Variants in LRRC8D observed in about 807,000 individuals in gnomAD.
The protein encoded by LRRC8D is volume-regulated anion channel subunit LRRC8D.
In LRRC8D, 20 loss-of-function variants were observed where a neutral mutation model predicts 55.8. The ratio of observed to expected loss-of-function variants is 0.36; its 90% CI spans 0.25 to 0.52. The LOEUF (loss-of-function observed/expected upper bound fraction) is 0.52. Ranked by LOEUF, LRRC8D falls within the 20% of genes least tolerant of loss-of-function variation. The pLI is 0.93. For missense variants in LRRC8D, 651 were observed against 1,030.8 expected (o/e 0.63, Z 5.05); for synonymous variants, 352 against 377.0 (o/e 0.93, Z 0.77).
chr1:89,866,367 T>C (rs1188785456), intron 2 of LRRC8D, among the ~76,000 whole-genome samples: 1 of 152,194 alleles, frequency 6.6e-6, no homozygotes, highest in East Asian at 1.9e-4. Context: ...AAGGGGGTCA[T>C]TCGGATGGTC....
chr1:89,847,369 G>A (rs142876206), intron 2 of LRRC8D, among the ~76,000 whole-genome samples: 40 of 152,306 alleles, frequency 2.6e-4, no homozygotes, highest in Admixed American at 1.6e-3. Flanking sequence ...AGGTAAAGGA[G>A]GAGCAAAAGA....
chr1:89,910,924 C>A (rs950112235), intron 2 of LRRC8D, among the ~76,000 whole-genome samples: 1 of 152,180 alleles, frequency 6.6e-6, no homozygotes, highest in Non-Finnish European at 1.5e-5. Context: ...AGCTCCTCCC[C>A]TCTCTACCTC....
At chr1:89,903,981 G>A (rs367699279) in intron 2 of LRRC8D, among the ~76,000 whole-genome samples, 26 of 151,950 alleles carry the variant, frequency 1.7e-4, no homozygotes, top group Non-Finnish European at 1.5e-4. Context: ...CATTGTTTTC[G>A]CCTTTGAGAA....
intron 2 of LRRC8D, among the ~76,000 whole-genome samples, chr1:89,906,028 G>A (rs931668783): frequency 1.3e-5 from 2 of 152,188 alleles, no homozygotes; most frequent in African/African-American, 4.8e-5. Context: ...TTGAACAGTT[G>A]TCCTTCTTCG....
At chr1:89,826,819 T>A (rs1160066088) in intron 1 of LRRC8D, among the ~76,000 whole-genome samples, 1 of 152,212 alleles carries the variant, frequency 6.6e-6, no homozygotes, top group Non-Finnish European at 1.5e-5. Flanking sequence ...ATGAAATGTC[T>A]AACCACTGGG....
chr1:89,882,926 G>A (rs1363153254), intron 2 of LRRC8D, among the ~76,000 whole-genome samples: 1 of 152,194 alleles, frequency 6.6e-6, no homozygotes, highest in Non-Finnish European at 1.5e-5. Flanking sequence ...AGGGCATATG[G>A]AGAAATGTGG....
chr1:89,890,755 C>G (rs1412848288), intron 2 of LRRC8D, among the ~76,000 whole-genome samples: 1 of 152,340 alleles, frequency 6.6e-6, no homozygotes, highest in East Asian at 1.9e-4. Context: ...GTTAACCAAT[C>G]TAGAAACCTT....
intron 2 of LRRC8D, among the ~76,000 whole-genome samples, chr1:89,850,201 A>C (rs7534977): frequency 0.99 from 151,441 of 152,334 alleles, 75,275 homozygotes; most frequent in Middle Eastern, 1. Flanking sequence ...ATGTAGATGT[A>C]TCTTTCTGAG....
intron 2 of LRRC8D, among the ~76,000 whole-genome samples, chr1:89,898,468 C>G (rs1002716911): frequency 2.0e-5 from 3 of 152,156 alleles, no homozygotes; most frequent in African/African-American, 7.2e-5. Context: ...CATTGAAGCT[C>G]AGAAAGAGCT....
intron 2 of LRRC8D, among the ~76,000 whole-genome samples, chr1:89,887,105 A>T (rs1434315873): frequency 1.3e-5 from 2 of 152,196 alleles, no homozygotes; most frequent in East Asian, 3.8e-4. Context: ...TGACTTGTTG[A>T]ATATACTAGT....
chr1:89,931,648 A>G (rs1663708448), intron 2 of LRRC8D, among the ~76,000 whole-genome samples: 1 of 152,090 alleles, frequency 6.6e-6, no homozygotes, highest in Non-Finnish European at 1.5e-5. Context: ...AGTCCCAGCT[A>G]CTCGGGAGGC....
intron 2 of LRRC8D, among the ~76,000 whole-genome samples, chr1:89,917,027 G>C (rs899505286): frequency 6.6e-6 from 1 of 152,064 alleles, no homozygotes; most frequent in Non-Finnish European, 1.5e-5. Context: ...TGGAAATAGG[G>C]GTGAAAACTC....
intron 2 of LRRC8D, among the ~76,000 whole-genome samples, chr1:89,930,620 T>C (rs1663681880): frequency 6.6e-6 from 1 of 152,090 alleles, no homozygotes; most frequent in African/African-American, 2.4e-5. Context: ...AATCTATTGT[T>C]CCTATTACTC....
chr1:89,838,641 GA>G (rs1557443576), intron 1 of LRRC8D, among the ~76,000 whole-genome samples: 1 of 152,108 alleles, frequency 6.6e-6, no homozygotes, highest in Non-Finnish European at 1.5e-5. Context: ...AATTTTGGGG[GA>G]TCTTACCCTT....
chr1:89,871,414 C>T (rs1043843934), intron 2 of LRRC8D, among the ~76,000 whole-genome samples: 3 of 152,266 alleles, frequency 2.0e-5, no homozygotes, highest in East Asian at 1.9e-4. Flanking sequence ...CTGCGCATAG[C>T]GTTCTTTTGG....
At chr1:89,896,795 T>A (rs1425938434) in intron 2 of LRRC8D, among the ~76,000 whole-genome samples, 1 of 152,180 alleles carries the variant, frequency 6.6e-6, no homozygotes, top group Admixed American at 6.5e-5. Flanking sequence ...TCTTTTCTTG[T>A]GAATCATAGT....
At chr1:89,830,693 C>A (rs1010522120) in intron 1 of LRRC8D, among the ~76,000 whole-genome samples, 3 of 152,112 alleles carry the variant, frequency 2.0e-5, no homozygotes, top group African/African-American at 7.2e-5. Context: ...CCGGTGTTGC[C>A]AGGTCTTCTG....
At chr1:89,824,881 T>TTACACCTGCCTATGATTTTCTTAG (rs1283225508) in intron 1 of LRRC8D, among the ~76,000 whole-genome samples, 14 of 152,348 alleles carry the variant, frequency 9.2e-5, no homozygotes, top group South Asian at 2.1e-4. Context: ...GTCTACTTAC[T>TTACACCTGCCTATGATTTTCTTAG]GCACCTTAAG....
chr1:89,843,325 C>G, intron 1 of LRRC8D: 1 of 221,694 alleles, frequency 4.5e-6, no homozygotes, highest in Non-Finnish European at 8.8e-6. Flanking sequence ...GTCCATTGAT[C>G]TAGGTACTTG....
Sources: allele counts gnomAD v4.1 joint callset (sites outside exome capture counted in the v4.1 genomes callset), GRCh38; gene constraint gnomAD v4.1.1; transcripts MANE v1.5; gene names NCBI Gene and HGNC (gene_info 2026-07-23, HGNC 2026-07-21).